The following ELMO1 variants were observed in gnomAD, a reference collection of about 807,000 sequenced individuals.
ELMO1 encodes the protein engulfment and cell motility 1, also known as engulfment and cell motility protein 1.
A neutral mutation model predicts 98.9 loss-of-function variants in ELMO1; 26 were observed. The ratio of observed to expected loss-of-function variants is 0.26; its 90% CI spans 0.19 to 0.36. The LOEUF (loss-of-function observed/expected upper bound fraction) is 0.36, where lower values mean the gene tolerates loss of function less well. ELMO1 is among the 10% of genes least tolerant of loss of function. The pLI, the probability that ELMO1 is intolerant of heterozygous loss-of-function variation, is 1.00. For missense variants in ELMO1, 627 were observed against 935.2 expected (o/e 0.67, Z 4.30); for synonymous variants, 346 against 346.0 (o/e 1.00, Z 0.00).
intron 1 of ELMO1, among the ~76,000 whole-genome samples, chr7:37,385,872 T>C (rs1445557678): frequency 6.6e-6 from 1 of 152,210 alleles, no homozygotes; most frequent in East Asian, 1.9e-4. Flanking sequence ...CATGGGAAAC[T>C]ACCAGTGCCA....
chr7:37,318,059 T>G (rs1343468670), intron 2 of ELMO1, among the ~76,000 whole-genome samples: 1 of 152,222 alleles, frequency 6.6e-6, no homozygotes, highest in Non-Finnish European at 1.5e-5. Flanking sequence ...CCTTATATCC[T>G]GAATCTGTCC....
At chr7:37,179,976 T>C (rs776634508) in intron 13 of ELMO1, among the ~76,000 whole-genome samples, 2 of 152,184 alleles carry the variant, frequency 1.3e-5, no homozygotes, top group Non-Finnish European at 2.9e-5. Flanking sequence ...AGAATTTACA[T>C]TGTAAATTGT....
Position 37,015,453 on chromosome 7 carries a change from T to C in ELMO1, c.1301-2018A>G, listed in dbSNP as rs1793867042. 2.6e-5 allele frequency among the ~76,000 whole-genome samples: 4 copies of C among 151,854 alleles called. No individual in the cohort carries two copies. In the South Asian group the frequency reaches 6.2e-4, roughly 24 times the overall value. ...CTGTCTCTACTAAAAACACAAAAAT[T>C]AGCTGGGCATGGTGGCATGCCGCTG... On this transcript the variant is annotated intron_variant, in intron 15 of 21. Coordinates refer to ENST00000310758, the MANE Select transcript of ELMO1 (RefSeq NM_014800.11).
intron 2 of ELMO1, among the ~76,000 whole-genome samples, chr7:37,328,354 G>A (rs1324085962): frequency 1.5e-5 from 2 of 131,476 alleles, no homozygotes; most frequent in Non-Finnish European, 3.1e-5. Context: ...CTGCACTCCA[G>A]CTCTGGGCAA....
chr7:37,167,284 CT>C, intron 13 of ELMO1, among the ~76,000 whole-genome samples: 1 of 152,218 alleles, frequency 6.6e-6, no homozygotes, highest in East Asian at 1.9e-4. Context: ...GGTCTTGACT[CT>C]TTATCCAATT....
chr7:37,403,773 G>A (rs1308687361), intron 1 of ELMO1, among the ~76,000 whole-genome samples: 4 of 152,052 alleles, frequency 2.6e-5, no homozygotes, highest in East Asian at 3.9e-4. Context: ...CTCGAACTCC[G>A]GGCCTCAAGT....
intron 11 of ELMO1, among the ~76,000 whole-genome samples, chr7:37,215,094 T>C (rs1049255789): frequency 5.9e-5 from 9 of 152,230 alleles, no homozygotes; most frequent in African/African-American, 2.2e-4. Context: ...TGTATTAAGA[T>C]GCTCTCCCAA....
At chr7:37,039,543 G>A (rs913619296) in intron 15 of ELMO1, among the ~76,000 whole-genome samples, 2 of 152,182 alleles carry the variant, frequency 1.3e-5, no homozygotes, top group African/African-American at 2.4e-5. Context: ...GGGCAGTTTG[G>A]ACTTTTCTAG....
intron 14 of ELMO1, among the ~76,000 whole-genome samples, chr7:37,101,121 G>C (rs889732587): frequency 5.3e-5 from 8 of 152,220 alleles, no homozygotes; most frequent in Non-Finnish European, 1.2e-4. Flanking sequence ...CAGTGAGACT[G>C]GCTCTCTGAT....
chr7:37,198,059 G>C (rs1420963104), intron 13 of ELMO1, among the ~76,000 whole-genome samples: 1 of 152,204 alleles, frequency 6.6e-6, no homozygotes, highest in African/African-American at 2.4e-5. Flanking sequence ...AGAGCAGGCA[G>C]CATAAGGACA....
intron 1 of ELMO1, among the ~76,000 whole-genome samples, chr7:37,349,294 T>C (rs2131289208): frequency 6.6e-6 from 1 of 152,328 alleles, no homozygotes; most frequent in East Asian, 1.9e-4. Flanking sequence ...CTCATATTTT[T>C]AATGTTGAGT....
At chr7:36,949,037 G>A (rs1787749283) in intron 16 of ELMO1, among the ~76,000 whole-genome samples, 1 of 152,078 alleles carries the variant, frequency 6.6e-6, no homozygotes, top group South Asian at 2.1e-4. Flanking sequence ...TGTATTTTTA[G>A]TAGAGAAGGG....
intron 2 of ELMO1, among the ~76,000 whole-genome samples, chr7:37,321,316 C>A (rs944495260): frequency 2.6e-5 from 4 of 152,136 alleles, no homozygotes; most frequent in African/African-American, 9.7e-5. Flanking sequence ...ACGTAAGGTA[C>A]GTCTATCTGT....
intron 1 of ELMO1, among the ~76,000 whole-genome samples, chr7:37,444,636 C>T (rs1805535975): frequency 6.6e-6 from 1 of 152,116 alleles, no homozygotes; most frequent in African/African-American, 2.4e-5. Context: ...CCTCAGCCTC[C>T]AGAGCAGCTG....
intron 1 of ELMO1, among the ~76,000 whole-genome samples, chr7:37,405,174 C>T (rs1192777336): frequency 6.6e-6 from 1 of 150,450 alleles, no homozygotes; most frequent in African/African-American, 2.4e-5. Flanking sequence ...AAGAATAAGG[C>T]ATGGATGCTT....
intron 4 of ELMO1, among the ~76,000 whole-genome samples, chr7:37,293,440 C>A (rs9639756): frequency 0.84 from 57,245 of 68,006 alleles, 25,697 homozygotes; most frequent in Non-Finnish European, 1. Flanking sequence ...TGCTCTCTGA[C>A]ACATGTGCTG....
At chr7:37,231,332 CAA>C (rs35802499) in intron 8 of ELMO1, among the ~76,000 whole-genome samples, 2 of 144,632 alleles carry the variant, frequency 1.4e-5, no homozygotes. Context: ...TGATTAATTT[CAA>C]AAAAAAAAAA....
intron 20 of ELMO1, among the ~76,000 whole-genome samples, chr7:36,863,966 G>A (rs557526226): frequency 6.6e-6 from 1 of 152,310 alleles, no homozygotes; most frequent in African/African-American, 2.4e-5. Flanking sequence ...TTGAGAGATT[G>A]AAGAAAGAAA....
intron 15 of ELMO1, among the ~76,000 whole-genome samples, chr7:37,024,893 C>T (rs1381759876): frequency 6.6e-6 from 1 of 152,096 alleles, no homozygotes; most frequent in Non-Finnish European, 1.5e-5. Flanking sequence ...GTACCCTGAT[C>T]TCCTAGAAAG....
Sources: allele counts gnomAD v4.1 joint callset (sites outside exome capture counted in the v4.1 genomes callset), GRCh38; gene constraint gnomAD v4.1.1; transcripts MANE v1.5; gene names NCBI Gene and HGNC (gene_info 2026-07-23, HGNC 2026-07-21).